Variants in NIPSNAP2 observed in about 807,000 individuals in gnomAD.
NIPSNAP2 encodes protein NipSnap homolog 2.
NIPSNAP2 carries 42 observed loss-of-function variants against 48.4 expected under a neutral mutation model. The ratio of observed to expected loss-of-function variants is 0.87; its 90% CI spans 0.68 to 1.12. The LOEUF is 1.12. Ranked by LOEUF, NIPSNAP2 falls within the 50% of genes most tolerant of loss-of-function variation. NIPSNAP2 has a pLI of 0.00. For missense variants in NIPSNAP2, 314 were observed against 347.3 expected (o/e 0.90, Z 0.76); for synonymous variants, 158 against 126.6 (o/e 1.25, Z -1.67).
At chr7:55,970,391 GT>G (rs1288311446) in intron 1 of NIPSNAP2, among the ~76,000 whole-genome samples, 3 of 149,450 alleles carry the variant, frequency 2.0e-5, no homozygotes, top group African/African-American at 7.4e-5. Flanking sequence ...TCACTGCAAC[GT>G]CCGCCTCCCA....
chr7:55,978,611 T>C, intron 3 of NIPSNAP2: 1 of 538,926 alleles, frequency 1.9e-6, no homozygotes. Context: ...GCTATCAGAC[T>C]TTAGAATGTT....
chr7:55,994,928 G>A lies in NIPSNAP2; in HGVS notation c.652G>A (p.Glu218Lys), dbSNP rs767257057. Residue 218 changes from glutamate (E) to lysine (K), a missense_variant, in exon 8 of 10, where the codon GAA (glutamate) becomes AAA (lysine). By Grantham distance (56) the Glu-to-Lys change is moderately conservative (BLOSUM62 1). Around this residue, in one of 2 missense-constraint regions of NIPSNAP2, gnomAD observed 116 missense variants for 161.8 expected, o/e 0.72. Coordinates refer to ENST00000322090, the MANE Select transcript of NIPSNAP2 (RefSeq NM_001483.3). ...AATCCGCTTCAGACAGGATGGTAAC[G>A]AAGCCGTCGGAGGATTCTTCTCTCA... ...RAIRFRQDGN[E>K]AVGGFFSQIG... 1.7e-5 allele frequency: 28 copies of A among 1,614,036 alleles called. No individual in the cohort carries two copies. The highest frequency in any genetic ancestry group is 2.2e-5 in the East Asian group (1 of 44,892).
At chr7:55,967,721 T>C (rs1330186611) in intron 1 of NIPSNAP2, among the ~76,000 whole-genome samples, 1 of 151,914 alleles carries the variant, frequency 6.6e-6, no homozygotes, top group East Asian at 1.9e-4. Flanking sequence ...TGATCTCGGC[T>C]CCCTGCAACC....
intron 1 of NIPSNAP2, among the ~76,000 whole-genome samples, chr7:55,977,237 A>G (rs1173950184): frequency 6.6e-6 from 1 of 152,118 alleles, no homozygotes; most frequent in East Asian, 1.9e-4. Flanking sequence ...CTAAAATACA[A>G]AAAATTAGCT....
chr7:55,988,042 A>G (rs1449544820), intron 7 of NIPSNAP2, among the ~76,000 whole-genome samples: 1 of 152,106 alleles, frequency 6.6e-6, no homozygotes, highest in Non-Finnish European at 1.5e-5. Context: ...TGGGCAGATC[A>G]CCTGAGATCA....
At chr7:55,994,694 C>G (rs1440128950) in intron 7 of NIPSNAP2, among the ~76,000 whole-genome samples, 200 bp from the exon 8 acceptor site, 2 of 152,162 alleles carry the variant, frequency 1.3e-5, no homozygotes, top group African/African-American at 4.8e-5. Flanking sequence ...GCCTGGGTGA[C>G]AGAATGAGAC....
intron 8 of NIPSNAP2, among the ~76,000 whole-genome samples, chr7:55,996,584 C>A (rs759240700): frequency 6.6e-6 from 1 of 152,142 alleles, no homozygotes; most frequent in Non-Finnish European, 1.5e-5. Flanking sequence ...CTGCCCAGAT[C>A]AGTGTAGTGC....
chr7:55,998,215 C>T (rs910751740), intron 9 of NIPSNAP2, among the ~76,000 whole-genome samples: 1 of 151,346 alleles, frequency 6.6e-6, no homozygotes, highest in East Asian at 2.0e-4. Flanking sequence ...TGCCACTGCA[C>T]TCCAGCCTGG....
At chr7:55,983,611 C>T in intron 5 of NIPSNAP2, 117 bp from the exon 6 acceptor site, 10 of 970,530 alleles carry the variant, frequency 1.0e-5, no homozygotes, top group Non-Finnish European at 1.1e-5. Context: ...CTGTCTCAGG[C>T]CAACTGGGAC....
At chr7:55,970,683 C>T (rs990644244) in intron 1 of NIPSNAP2, among the ~76,000 whole-genome samples, 1 of 152,138 alleles carries the variant, frequency 6.6e-6, no homozygotes, top group African/African-American at 2.4e-5. Context: ...TCGCCTCGCC[C>T]TCACGGTCCT....
At chr7:55,981,239 C>A (rs1787210298) in intron 3 of NIPSNAP2, 1 of 307,614 alleles carries the variant, frequency 3.3e-6, no homozygotes. Context: ...ACTGATTGAA[C>A]AACTCTTCTA....
chr7:55,969,798 A>G (rs1035930117), intron 1 of NIPSNAP2, among the ~76,000 whole-genome samples: 7 of 152,066 alleles, frequency 4.6e-5, no homozygotes, highest in Admixed American at 6.6e-5. Context: ...CCTGGCTAAC[A>G]TGGTGAAACC....
chr7:55,976,668 T>G (rs1250219783), intron 1 of NIPSNAP2, among the ~76,000 whole-genome samples: 1 of 152,130 alleles, frequency 6.6e-6, no homozygotes, highest in Non-Finnish European at 1.5e-5. Context: ...GGAGCATTGC[T>G]TGAGGCCAGG....
chr7:55,966,059 G>A (rs1562759580), intron 1 of NIPSNAP2, among the ~76,000 whole-genome samples: 1 of 152,150 alleles, frequency 6.6e-6, no homozygotes, highest in Non-Finnish European at 1.5e-5. Flanking sequence ...TGAATAAGGC[G>A]TCCAAGGCCA....
At chr7:55,996,155 G>C (rs530870369) in intron 8 of NIPSNAP2, among the ~76,000 whole-genome samples, 93 of 152,070 alleles carry the variant, frequency 6.1e-4, no homozygotes, top group African/African-American at 2.2e-3. Context: ...GCATGGAGGC[G>C]CATGCCTGTA....
chr7:55,979,800 T>A (rs1584343668), intron 3 of NIPSNAP2: 1 of 456,638 alleles, frequency 2.2e-6, no homozygotes, highest in Non-Finnish European at 4.4e-6. Context: ...AACTCCTGCC[T>A]GGTTTTTAGG....
At chr7:55,980,298 T>C (rs972240614) in intron 3 of NIPSNAP2, 2 of 157,474 alleles carry the variant, frequency 1.3e-5, no homozygotes, top group African/African-American at 4.8e-5. Flanking sequence ...GTATGGGTTT[T>C]CAGTTAGTTA....
chr7:55,997,297 T>C (rs1787581177), intron 8 of NIPSNAP2, 69 bp from the exon 9 acceptor site: 1 of 1,135,640 alleles, frequency 8.8e-7, no homozygotes, highest in Middle Eastern at 1.9e-4. Context: ...AGCAAGACTT[T>C]AACGGATGTA....
In NIPSNAP2 at chr7:55,999,087, T is replaced by C; in HGVS notation, c.*15T>C. The C allele has an allele frequency of 6.3e-7, 1 of 1,593,976 alleles. No homozygotes were observed. The highest frequency in any genetic ancestry group is 1.1e-5 in the South Asian group (1 of 90,362). On this transcript the variant is annotated 3_prime_UTR_variant, in exon 10 of 10. Coordinates refer to ENST00000322090, the MANE Select transcript of NIPSNAP2 (RefSeq NM_001483.3). ...CCCTCCAGTAAAGCTGTAGAGTTTC[T>C]ATGTGCCTACATACATTTCTGTGAC...
Sources: allele counts gnomAD v4.1 joint callset (sites outside exome capture counted in the v4.1 genomes callset), GRCh38; gene constraint gnomAD v4.1.1; regional missense constraint gnomAD v4.1.1; transcripts MANE v1.5; gene names NCBI Gene and HGNC (gene_info 2026-07-23, HGNC 2026-07-21).